The following MBNL2 variants were observed in gnomAD, a reference collection of about 807,000 sequenced individuals.
MBNL2 encodes the protein muscleblind like splicing regulator 2, also known as muscleblind-like protein 2.
In MBNL2, 17 loss-of-function variants were observed where a neutral mutation model predicts 41.9. The observed-to-expected ratio is 0.41, with a 90% CI of 0.28 to 0.61. The LOEUF (loss-of-function observed/expected upper bound fraction) is 0.61, where lower values mean the gene tolerates loss of function less well. Among genes scored for constraint, MBNL2 ranks in the 20% least tolerant of loss-of-function variants. MBNL2 has a pLI of 0.35. For missense variants in MBNL2, 336 were observed against 505.6 expected (o/e 0.66, Z 3.22); for synonymous variants, 195 against 182.9 (o/e 1.07, Z -0.53).
chr13:97,175,121 T>C, the MBNL2 span, among the ~76,000 whole-genome samples: 1 of 152,186 alleles, frequency 6.6e-6, no homozygotes, highest in Non-Finnish European at 1.5e-5. Flanking sequence ...TGGAAGACTC[T>C]TCCAACAGGC....
At chr13:97,335,373 T>C (rs1435697864) in intron 3 of MBNL2, among the ~76,000 whole-genome samples, 1 of 152,168 alleles carries the variant, frequency 6.6e-6, no homozygotes, top group Non-Finnish European at 1.5e-5. Flanking sequence ...TAAAAATCCC[T>C]TTATTGTAGG....
intron 2 of MBNL2, among the ~76,000 whole-genome samples, chr13:97,280,321 A>G (rs2053111776): frequency 6.6e-6 from 1 of 152,204 alleles, no homozygotes; most frequent in African/African-American, 2.4e-5. Context: ...TATTAAGACT[A>G]AAAGTGTCAG....
rs1383281973 is a variant in MBNL2 at position 97,268,378 on chromosome 13, G to A, written c.-604-7254G>A. Among the ~76,000 whole-genome samples, 2 of 152,176 alleles carry A rather than the reference G, an allele frequency of 1.3e-5. No homozygotes were observed. The highest frequency in any genetic ancestry group is 3.9e-4 in the East Asian group (2 of 5,186). ...CGGCCTCCCAAACGCTGGGATTACA[G>A]GTGTGAGCCACTGCGCCGGGCCGAG... is the stretch of plus-strand genomic sequence containing the variant. On this transcript the variant is annotated intron_variant, in intron 1 of 8. Transcript: ENST00000679496. The surrounding 1 kb of genome is among the most constrained non-coding windows in gnomAD (Gnocchi z 4.6).
At chr13:97,254,656 A>G (rs1373084381) in intron 1 of MBNL2, among the ~76,000 whole-genome samples, 1 of 151,936 alleles carries the variant, frequency 6.6e-6, no homozygotes, top group African/African-American at 2.4e-5. Context: ...ATATGGGATC[A>G]TAGGGATCGT....
chr13:97,327,160 C>T (rs754532532), intron 2 of MBNL2, among the ~76,000 whole-genome samples: 1 of 152,138 alleles, frequency 6.6e-6, no homozygotes, highest in African/African-American at 2.4e-5. Context: ...TCTGTTTGAT[C>T]GAAATTTTCA....
the MBNL2 span, among the ~76,000 whole-genome samples, chr13:97,163,861 T>A: frequency 5.3e-5 from 8 of 152,156 alleles, no homozygotes; most frequent in African/African-American, 1.9e-4. Flanking sequence ...GATGCTCACA[T>A]GACCACAGAG....
chr13:97,293,399 A>G, intron 2 of MBNL2, among the ~76,000 whole-genome samples: 1 of 152,348 alleles, frequency 6.6e-6, no homozygotes. Flanking sequence ...ATAAAAAGGT[A>G]CAGTTTTTAC....
At chr13:97,229,273 G>T (rs1412178132) in intron 1 of MBNL2, among the ~76,000 whole-genome samples, 1 of 151,612 alleles carries the variant, frequency 6.6e-6, no homozygotes, top group Admixed American at 6.6e-5. Context: ...GGGAGTAAGA[G>T]ATAAGGCTTC....
At chr13:97,377,672 G>A (rs543069657) in intron 8 of MBNL2, among the ~76,000 whole-genome samples, 2 of 152,292 alleles carry the variant, frequency 1.3e-5, no homozygotes, top group African/African-American at 2.4e-5. Flanking sequence ...GAGGATTTAG[G>A]ACAGAAGGAA....
chr13:97,344,639 T>C (rs951153420), intron 4 of MBNL2, among the ~76,000 whole-genome samples: 1 of 152,226 alleles, frequency 6.6e-6, no homozygotes, highest in Non-Finnish European at 1.5e-5. Context: ...GAAACTCTAA[T>C]TGTTACTATT....
At chr13:97,251,937 G>A (rs1367350212) in intron 1 of MBNL2, among the ~76,000 whole-genome samples, 1 of 133,662 alleles carries the variant, frequency 7.5e-6, no homozygotes, top group Non-Finnish European at 1.5e-5. Context: ...TGCAAGCTCC[G>A]CTTCCCGGGT....
At chr13:97,207,346 A>G in the MBNL2 span, among the ~76,000 whole-genome samples, 5 of 152,166 alleles carry the variant, frequency 3.3e-5, no homozygotes, top group Admixed American at 3.3e-4. Flanking sequence ...AGACATACCC[A>G]AGACTGGGCA....
chr13:97,325,908 G>A (rs1464936772), intron 2 of MBNL2, among the ~76,000 whole-genome samples: 1 of 152,160 alleles, frequency 6.6e-6, no homozygotes, highest in African/African-American at 2.4e-5. Context: ...GAAGAGGGCA[G>A]TTGCATTGGC....
the MBNL2 span, among the ~76,000 whole-genome samples, chr13:97,203,514 T>C: frequency 3.9e-5 from 6 of 152,306 alleles, no homozygotes; most frequent in East Asian, 1.2e-3. Flanking sequence ...TCAAGGTCTT[T>C]GTGCTGGCTT....
chr13:97,359,216 T>C (rs1377804867), intron 7 of MBNL2, among the ~76,000 whole-genome samples: 1 of 152,084 alleles, frequency 6.6e-6, no homozygotes, highest in East Asian at 1.9e-4. Flanking sequence ...TAATGTCCTG[T>C]GTGGTTTCTA....
At chr13:97,150,262 G>A in the MBNL2 span, among the ~76,000 whole-genome samples, 2 of 152,180 alleles carry the variant, frequency 1.3e-5, no homozygotes, top group Admixed American at 1.3e-4. Context: ...ATGCTGAGAT[G>A]CCTCCTCACT....
the MBNL2 span, among the ~76,000 whole-genome samples, chr13:97,173,800 G>A: frequency 5.9e-5 from 9 of 152,054 alleles, no homozygotes; most frequent in South Asian, 4.1e-4. Flanking sequence ...GAATATCTGC[G>A]CCTTCTATCT....
intron 2 of MBNL2, among the ~76,000 whole-genome samples, chr13:97,323,382 T>C (rs139785232): frequency 3.2e-4 from 48 of 152,348 alleles, no homozygotes; most frequent in African/African-American, 1.2e-3. Context: ...TATTCGTGGA[T>C]TCAACCAACT....
chr13:97,163,523 C>T, the MBNL2 span, among the ~76,000 whole-genome samples: 1 of 152,196 alleles, frequency 6.6e-6, no homozygotes, highest in Non-Finnish European at 1.5e-5. Context: ...TGCCCCTTCT[C>T]CGCACCTTGT....
Sources: gnomAD v4.1 joint callset for allele counts (sites outside exome capture counted in the v4.1 genomes callset) on GRCh38, gnomAD v4.1.1 for gene constraint, Gnocchi (gnomAD v3.1) non-coding constraint, MANE v1.5 for transcripts, NCBI Gene and HGNC (gene_info 2026-07-23, HGNC 2026-07-21) for gene names.